SLC60A1: variants seen among roughly 807,000 people sequenced by gnomAD.
SLC60A1 encodes the protein solute carrier family 60 member 1.
the SLC60A1 span, chr1:205,580,698 GC>G: frequency 6.2e-7 from 1 of 1,613,520 alleles, no homozygotes; most frequent in South Asian, 1.1e-5. This position sits in a 1 kb window ranked among gnomAD's most constrained non-coding sequence, Gnocchi z 5.0. Context: ...GCTCTGCTGA[GC>G]CCCCTTATTG....
At chr1:205,577,636 G>A in the SLC60A1 span, among the ~76,000 whole-genome samples, 7 of 152,170 alleles carry the variant, frequency 4.6e-5, no homozygotes, top group African/African-American at 1.4e-4. This position sits in a 1 kb window ranked among gnomAD's most constrained non-coding sequence, Gnocchi z 5.2. Flanking sequence ...CCCCTCTCCA[G>A]CCTGGCTGGG....
At chr1:205,592,543 C>T in the SLC60A1 span, among the ~76,000 whole-genome samples, 1 of 152,012 alleles carries the variant, frequency 6.6e-6, no homozygotes, top group Non-Finnish European at 1.5e-5. Flanking sequence ...CTCTCCCCAC[C>T]CCACAACTGT....
the SLC60A1 span, chr1:205,584,781 C>A: frequency 9.2e-7 from 1 of 1,081,566 alleles, no homozygotes; most frequent in Non-Finnish European, 1.4e-6. Flanking sequence ...CCCCATCCTG[C>A]AGGGCTCTTC....
the SLC60A1 span, among the ~76,000 whole-genome samples, chr1:205,583,081 A>C: frequency 1.3e-5 from 2 of 152,152 alleles, no homozygotes; most frequent in Non-Finnish European, 2.9e-5. Context: ...AACTGGGCTG[A>C]AGTTGCAGCA....
At chr1:205,591,483 C>CAA in the SLC60A1 span, among the ~76,000 whole-genome samples, 6,989 of 86,776 alleles carry the variant, frequency 0.081, 665 homozygotes, top group African/African-American at 0.22. Context: ...CCCTGTCTCT[C>CAA]AAAAAAAAAA....
chr1:205,578,297 T>C, the SLC60A1 span, among the ~76,000 whole-genome samples: 1 of 152,146 alleles, frequency 6.6e-6, no homozygotes. Context: ...TAGTCTGTCT[T>C]GTCCAGGGAA....
chr1:205,597,081 C>T, the SLC60A1 span, among the ~76,000 whole-genome samples: 2 of 152,240 alleles, frequency 1.3e-5, no homozygotes, highest in East Asian at 1.9e-4. Flanking sequence ...GCCAGGACAG[C>T]GAAGACACTA....
At chr1:205,574,123 G>A in the SLC60A1 span, among the ~76,000 whole-genome samples, 5 of 151,798 alleles carry the variant, frequency 3.3e-5, no homozygotes, top group Non-Finnish European at 5.9e-5. Context: ...TTTATAGTAT[G>A]TAATTTATAT....
At chr1:205,586,573 T>G in the SLC60A1 span, among the ~76,000 whole-genome samples, 1 of 152,192 alleles carries the variant, frequency 6.6e-6, no homozygotes, top group Non-Finnish European at 1.5e-5. Context: ...TTTACCTTGG[T>G]GCCCAGCTGC....
At chr1:205,593,710 G>T in the SLC60A1 span, among the ~76,000 whole-genome samples, 2 of 152,096 alleles carry the variant, frequency 1.3e-5, no homozygotes, top group Non-Finnish European at 1.5e-5. Flanking sequence ...TATATAAGTC[G>T]TATGTGCTCA....
chr1:205,584,196 G>C, the SLC60A1 span: 1 of 1,275,910 alleles, frequency 7.8e-7, no homozygotes, highest in Non-Finnish European at 1.1e-6. Flanking sequence ...CTCCCAGAGA[G>C]AGTGAACCTA....
At chr1:205,582,158 G>A in the SLC60A1 span, among the ~76,000 whole-genome samples, 6 of 152,124 alleles carry the variant, frequency 3.9e-5, no homozygotes, top group Admixed American at 1.3e-4. Flanking sequence ...CTTTGGGCCC[G>A]TTCCTTCCAG....
chr1:205,581,766 G>C, the SLC60A1 span, among the ~76,000 whole-genome samples: 1 of 152,286 alleles, frequency 6.6e-6, no homozygotes, highest in South Asian at 2.1e-4. The surrounding 1 kb of genome is among the most constrained non-coding windows in gnomAD (Gnocchi z 4.2). Context: ...AGCTCTCCTG[G>C]GGCAGGTGGG....
chr1:205,573,038 C>T, the SLC60A1 span, among the ~76,000 whole-genome samples: 424 of 152,186 alleles, frequency 2.8e-3, 3 homozygotes, highest in African/African-American at 9.4e-3. Flanking sequence ...TGAGGTGGGA[C>T]GCTCGCTTGA....
the SLC60A1 span, chr1:205,601,445 G>GCTAA: frequency 1.4e-4 from 22 of 152,184 alleles, no homozygotes; most frequent in Admixed American, 1.4e-3. Flanking sequence ...AGTAATCAAG[G>GCTAA]CTAACTGGTC....
the SLC60A1 span, chr1:205,597,824 A>G: frequency 2.5e-6 from 4 of 1,613,936 alleles, no homozygotes; most frequent in Non-Finnish European, 3.4e-6. Flanking sequence ...AGTTGGCGAG[A>G]TGGTGCTGCA....
chr1:205,602,352 C>G, the SLC60A1 span: 2 of 152,650 alleles, frequency 1.3e-5, no homozygotes, highest in Non-Finnish European at 2.9e-5. Context: ...GGCTCAAGTG[C>G]TGGCTCACCT....
chr1:205,597,383 T>G, the SLC60A1 span, among the ~76,000 whole-genome samples: 1,935 of 73,506 alleles, frequency 0.026, 64 homozygotes, highest in African/African-American at 0.043. Context: ...GTTTTTTTTT[T>G]TTTTTTTTTT....
chr1:205,600,679 G>A, the SLC60A1 span: 16 of 544,522 alleles, frequency 2.9e-5, no homozygotes, highest in South Asian at 3.6e-4. Context: ...TTCTTCCCTG[G>A]TTCAGACTGT....
Sources: allele counts gnomAD v4.1 joint callset (sites outside exome capture counted in the v4.1 genomes callset), GRCh38; gene constraint gnomAD v4.1.1; non-coding constraint Gnocchi (gnomAD v3.1); transcripts MANE v1.5; gene names NCBI Gene and HGNC (gene_info 2026-07-23, HGNC 2026-07-21).